Variants in PCDH15 observed in about 807,000 individuals in gnomAD.
The protein encoded by PCDH15 is protocadherin-15.
A neutral mutation model predicts 178.5 loss-of-function variants in PCDH15; 129 were observed. That is an observed-to-expected ratio of 0.72 (90% CI 0.63 to 0.84). The LOEUF is 0.84. Among genes scored for constraint, PCDH15 ranks in the 40% least tolerant of loss-of-function variants. PCDH15 has a pLI of 0.00. For missense variants in PCDH15, 2,230 were observed against 2,099.9 expected (o/e 1.06, Z -1.21); for synonymous variants, 800 against 732.0 (o/e 1.09, Z -1.50).
intron 1 of PCDH15, among the ~76,000 whole-genome samples, chr10:55,284,901 T>C (rs1276022052): frequency 2.6e-5 from 4 of 151,848 alleles, no homozygotes; most frequent in East Asian, 3.9e-4. Context: ...TGAATATTCA[T>C]AGGGAATCAG....
chr10:54,904,595 G>A (rs1032238936), intron 2 of PCDH15, among the ~76,000 whole-genome samples: 6 of 152,078 alleles, frequency 3.9e-5, no homozygotes, highest in Non-Finnish European at 7.4e-5. Context: ...ACAGCATAAT[G>A]GATAGAAATA....
At position 54,796,507 on chromosome 10, in the gene PCDH15, G is replaced by A. The variant is rs182850563; in HGVS notation, c.-29+4418C>T. Among the ~76,000 whole-genome samples, 9 of 151,192 alleles carry A rather than the reference G, an allele frequency of 6.0e-5. No homozygotes were observed. In the East Asian group the frequency reaches 1.6e-3, roughly 26 times the overall value. On this transcript the variant is annotated intron_variant, in intron 1 of 37. Transcript: ENST00000644397. ...TCTTTCTGGCAATCTGTCTATTTCT[G>A]TCTTTCTTGACCCTGTGTTTTCCCG...
At chr10:54,402,622 T>A (rs565447329) in intron 3 of PCDH15, among the ~76,000 whole-genome samples, 41 of 152,154 alleles carry the variant, frequency 2.7e-4, no homozygotes, top group African/African-American at 8.9e-4. Context: ...TGGTAATTCA[T>A]GCAATATTTC....
At chr10:55,090,740 T>G (rs1842296846) in intron 2 of PCDH15, among the ~76,000 whole-genome samples, 1 of 152,062 alleles carries the variant, frequency 6.6e-6, no homozygotes, top group Non-Finnish European at 1.5e-5. Context: ...TGAAGAACTG[T>G]GAAGGTCAGG....
intron 3 of PCDH15, among the ~76,000 whole-genome samples, chr10:54,520,216 A>G (rs2082698378): frequency 6.6e-6 from 1 of 152,346 alleles, no homozygotes; most frequent in South Asian, 2.1e-4. Flanking sequence ...GACAAATAGG[A>G]TCTAATTAAA....
chr10:54,344,912 A>G (rs1942964351), intron 6 of PCDH15, among the ~76,000 whole-genome samples: 1 of 145,286 alleles, frequency 6.9e-6, no homozygotes, highest in South Asian at 2.1e-4. Flanking sequence ...AGCAAAAAAA[A>G]AAAAAAAAAA....
At chr10:55,308,657 C>T (rs1190544589) in intron 1 of PCDH15, among the ~76,000 whole-genome samples, 2 of 152,156 alleles carry the variant, frequency 1.3e-5, no homozygotes, top group Non-Finnish European at 2.9e-5. Flanking sequence ...CTCATTGTCC[C>T]TGTCCTCCCA....
rs544916931 is a variant in PCDH15 at position 54,923,483 on chromosome 10, C to T, written c.-79-25983G>A. On this transcript the variant is annotated intron_variant, in intron 2 of 5. Transcript: ENST00000458638. ...ATGGACAGTCTGCAAATTTTCCAAA[C>T]TTTTATGATCTTTTTCCCTTTTAAA... Among the ~76,000 whole-genome samples the T allele has an allele frequency of 5.1e-5, 7 of 138,602 alleles. No individual in the cohort carries two copies. The East Asian group carries it at 1.4e-3, about 28-fold the overall frequency. The allele number at this position is 138,602 out of a possible 152,430, so 90.9% of individuals were successfully genotyped here. A position where few individuals can be genotyped will look rare whatever the true frequency, so the allele number is the denominator to read the frequency against.
At chr10:55,164,833 G>T (rs373065500) in intron 2 of PCDH15, among the ~76,000 whole-genome samples, 4 of 152,012 alleles carry the variant, frequency 2.6e-5, no homozygotes, top group African/African-American at 9.7e-5. Flanking sequence ...CTCTTACTAC[G>T]CAAGCGGATT....
chr10:53,949,593 C>T (rs1480531206), intron 23 of PCDH15, among the ~76,000 whole-genome samples: 1 of 152,006 alleles, frequency 6.6e-6, no homozygotes, highest in Non-Finnish European at 1.5e-5. Flanking sequence ...AAAAAATTAG[C>T]TGGGCATGGT....
intron 2 of PCDH15, among the ~76,000 whole-genome samples, chr10:55,454,950 AAC>A (rs1468531032): frequency 1.3e-5 from 2 of 152,080 alleles, no homozygotes; most frequent in East Asian, 1.9e-4. Flanking sequence ...TATACACACA[AAC>A]ACACATATTT....
chr10:55,461,990 C>T (rs1839689652), intron 2 of PCDH15, among the ~76,000 whole-genome samples: 1 of 152,038 alleles, frequency 6.6e-6, no homozygotes, highest in Non-Finnish European at 1.5e-5. Context: ...CATTAATGGT[C>T]AAGACCACCT....
intron 2 of PCDH15, among the ~76,000 whole-genome samples, chr10:55,588,971 C>T (rs1287993949): frequency 1.3e-5 from 2 of 151,076 alleles, no homozygotes; most frequent in African/African-American, 4.9e-5. Flanking sequence ...ATCCCAGCTA[C>T]TCGGGAGGCT....
intron 17 of PCDH15, among the ~76,000 whole-genome samples, chr10:54,078,387 T>C (rs977384482): frequency 9.2e-5 from 14 of 152,000 alleles, no homozygotes; most frequent in African/African-American, 2.7e-4. Flanking sequence ...TGAAGATACA[T>C]TTATTTTACA....
intron 2 of PCDH15, among the ~76,000 whole-genome samples, chr10:55,118,221 G>A (rs1166568925): frequency 6.6e-6 from 1 of 152,084 alleles, no homozygotes; most frequent in African/African-American, 2.4e-5. Flanking sequence ...AAGGCCATAG[G>A]GCTGTTTCAG....
chr10:54,177,596 C>A (rs1443767460), intron 13 of PCDH15, among the ~76,000 whole-genome samples: 1 of 149,546 alleles, frequency 6.7e-6, no homozygotes. Flanking sequence ...CAAAAAAAAT[C>A]TTTAACAAAA....
intron 2 of PCDH15, among the ~76,000 whole-genome samples, chr10:54,935,361 G>C (rs921066314): frequency 6.6e-6 from 1 of 152,050 alleles, no homozygotes; most frequent in South Asian, 2.1e-4. Context: ...GATGCCAAGG[G>C]ATAATACATC....
At chr10:54,300,120 C>G (rs1450818305) in intron 8 of PCDH15, among the ~76,000 whole-genome samples, 1 of 152,146 alleles carries the variant, frequency 6.6e-6, no homozygotes, top group Non-Finnish European at 1.5e-5. Flanking sequence ...CTCCTCACTA[C>G]TGAGAAAGGA....
intron 1 of PCDH15, among the ~76,000 whole-genome samples, chr10:55,221,833 A>G (rs1157407727): frequency 1.3e-5 from 2 of 151,804 alleles, no homozygotes; most frequent in African/African-American, 4.8e-5. Context: ...TAAAATGTTT[A>G]TTTAATATTG....
Sources: gnomAD v4.1 joint callset for allele counts (sites outside exome capture counted in the v4.1 genomes callset) on GRCh38, gnomAD v4.1.1 for gene constraint, MANE v1.5 for transcripts, NCBI Gene and HGNC (gene_info 2026-07-23, HGNC 2026-07-21) for gene names.